The following PLEKHA8 variants were observed in gnomAD, a reference collection of about 807,000 sequenced individuals.
The protein encoded by PLEKHA8 is pleckstrin homology domain-containing family A member 8.
PLEKHA8 carries 36 observed loss-of-function variants against 68.2 expected under a neutral mutation model. That is an observed-to-expected ratio of 0.53 (90% confidence interval 0.40 to 0.70). PLEKHA8 has a LOEUF of 0.70. Among genes scored for constraint, PLEKHA8 ranks in the 30% least tolerant of loss-of-function variants. PLEKHA8 has a pLI of 0.00. For missense variants in PLEKHA8, 505 were observed against 615.4 expected (o/e 0.82, Z 1.90); for synonymous variants, 211 against 216.1 (o/e 0.98, Z 0.20).
intron 6 of PLEKHA8, 76 bp downstream of exon 6, chr7:30,050,550 A>G: frequency 1.4e-6 from 2 of 1,419,268 alleles, no homozygotes; most frequent in South Asian, 1.4e-5. Context: ...AAAAAAAGAT[A>G]CTTTGATCTT....
intron 1 of PLEKHA8, among the ~76,000 whole-genome samples, chr7:30,038,649 G>A (rs940956448): frequency 5.3e-5 from 8 of 152,090 alleles, no homozygotes; most frequent in African/African-American, 1.9e-4. Context: ...AGAATTGTTC[G>A]CCAAATAATG....
chr7:30,115,868 A>G lies in PLEKHA8; in HGVS notation c.1363-13398A>G, dbSNP rs143176609. The G allele has an allele frequency of 1.2e-3, 178 of 144,190 alleles. 8 individuals carry two copies. The highest frequency in any genetic ancestry group is 7.4e-3 in the Middle Eastern group (2 of 272). 8.9% of individuals were successfully genotyped at this position (144,190 alleles called of 1,614,324 possible). On this transcript the variant is annotated intron_variant, in intron 13 of 13. Coordinates refer to the PLEKHA8 transcript ENST00000396257. ...CACGTATGCATACATACGTGCACAT[A>G]CATGTAGGCACGCATACATGCGTAT...
Position 30,054,885 on chromosome 7 carries a change from A to G in PLEKHA8, c.953+20A>G. ...CACAAGGTATTCTAGACTCTTTAAT[A>G]TCACTGATGCTTGGATACTAACTTC... On this transcript the variant is annotated intron_variant, in intron 8 of 13. Coordinates refer to ENST00000449726, the MANE Select transcript of PLEKHA8 (RefSeq NM_001197026.2). The G allele has an allele frequency of 6.4e-7, 1 of 1,573,310 alleles. No homozygotes were observed. Among genetic ancestry groups the G allele is most frequent in the African/African-American group, 1.4e-5 (1 of 73,604 alleles).
intron 13 of PLEKHA8, among the ~76,000 whole-genome samples, chr7:30,101,357 G>A (rs561750569): frequency 7.9e-5 from 12 of 152,090 alleles, no homozygotes; most frequent in Non-Finnish European, 1.6e-4. Flanking sequence ...TATGAACAAC[G>A]GGAGTTTATT....
chr7:30,076,804 A>C lies in PLEKHA8; in HGVS notation c.1363-1786A>C, dbSNP rs942563721. 3.3e-5 allele frequency among the ~76,000 whole-genome samples: 5 copies of C among 152,314 alleles called. No homozygotes were observed. In the South Asian group the frequency reaches 6.2e-4, roughly 19 times the overall value. On this transcript the variant is annotated intron_variant, in intron 13 of 13. Coordinates refer to ENST00000449726, the MANE Select transcript of PLEKHA8 (RefSeq NM_001197026.2). ...AAGTCATGCCTACTTTGGAAGGTTT[A>C]TAAGTTTTCTAACATGCTAACTTGC...
downstream of PLEKHA8, chr7:30,129,661 G>GT (rs1440452250): frequency 8.0e-6 from 2 of 250,198 alleles, no homozygotes; most frequent in African/African-American, 4.4e-5. Context: ...TTAGAAACTT[G>GT]TTTATTCATT....
At chr7:30,077,255 C>T (rs187006069) in intron 13 of PLEKHA8, among the ~76,000 whole-genome samples, 41 of 152,116 alleles carry the variant, frequency 2.7e-4, no homozygotes, top group African/African-American at 9.6e-4. Context: ...TTGTTTTTCC[C>T]CACATTCTGA....
At position 30,101,356 on chromosome 7, in the gene PLEKHA8, C is replaced by T. The variant is rs191807762; in HGVS notation, c.1362+27224C>T. On this transcript the variant is annotated intron_variant, in intron 13 of 13. Coordinates refer to the PLEKHA8 transcript ENST00000396257. ...CATAGACCGGGTAGCTTATGAACAACGGGAGTTTATTTCTCACAGTTGTGG... is the reference window on the plus strand; with the variant it reads ...CATAGACCGGGTAGCTTATGAACAATGGGAGTTTATTTCTCACAGTTGTGG... Among the ~76,000 whole-genome samples the T allele has an allele frequency of 6.1e-4, 93 of 152,174 alleles. 1 individual carries two copies. Among genetic ancestry groups the T allele is most frequent in the Middle Eastern group, 3.4e-3 (1 of 292 alleles).
intron 6 of PLEKHA8, 104 bp from the exon 7 acceptor site, chr7:30,052,605 A>T (rs909800991): frequency 1.0e-6 from 1 of 982,296 alleles, no homozygotes; most frequent in Non-Finnish European, 1.4e-6. Flanking sequence ...GTGCCACTGT[A>T]CTGCAGCCTG....
downstream of PLEKHA8, among the ~76,000 whole-genome samples, chr7:30,093,001 C>G (rs1250347830): frequency 6.6e-6 from 1 of 152,150 alleles, no homozygotes; most frequent in Non-Finnish European, 1.5e-5. Flanking sequence ...CCAAAAGAAG[C>G]CTGATAAGTT....
chr7:30,122,137 G>C (rs949857564), intron 13 of PLEKHA8, among the ~76,000 whole-genome samples: 1 of 152,240 alleles, frequency 6.6e-6, no homozygotes, highest in African/African-American at 2.4e-5. Flanking sequence ...TTTCTTCTAA[G>C]AGGTAGAATC....
intron 13 of PLEKHA8, among the ~76,000 whole-genome samples, chr7:30,096,066 T>G (rs144052867): frequency 0.018 from 2,670 of 152,308 alleles, 39 homozygotes; most frequent in South Asian, 0.033. Context: ...GTGAAGAAAG[T>G]CATTGGTAGC....
chr7:30,112,372 G>T (rs1222988986), intron 13 of PLEKHA8, among the ~76,000 whole-genome samples: 1 of 149,872 alleles, frequency 6.7e-6, no homozygotes, highest in Non-Finnish European at 1.5e-5. Context: ...TTAACAAAAA[G>T]ATAACTCCTT....
At position 30,079,584 on chromosome 7, in the gene PLEKHA8, C is replaced by T; in HGVS notation, c.*797C>T. 1.2e-6 allele frequency: 1 copy of T among 852,696 alleles called. No individual in the cohort carries two copies. The highest frequency in any genetic ancestry group is 1.4e-6 in the Non-Finnish European group (1 of 709,208). The allele number at this position is 852,696 out of a possible 1,614,324, so 52.8% of individuals were successfully genotyped here. A position where few individuals can be genotyped will look rare whatever the true frequency, so the allele number is the denominator to read the frequency against. ...GTAATGATACCCAGAGGGATTATTA[C>T]TCCACTTCAAAAGCAAGGTTTAGAA... On this transcript the variant is annotated 3_prime_UTR_variant, in exon 14 of 14. Coordinates refer to ENST00000449726, the MANE Select transcript of PLEKHA8 (RefSeq NM_001197026.2).
chr7:30,096,467 C>T (rs1214711996), intron 13 of PLEKHA8, among the ~76,000 whole-genome samples: 1 of 152,162 alleles, frequency 6.6e-6, no homozygotes, highest in African/African-American at 2.4e-5. Flanking sequence ...ATGTCATCTG[C>T]AAACAGGGAC....
chr7:30,056,530 A>G (rs1792946396), intron 9 of PLEKHA8, among the ~76,000 whole-genome samples: 1 of 148,438 alleles, frequency 6.7e-6, no homozygotes, highest in East Asian at 2.0e-4. Context: ...GGAGTTTGAG[A>G]CCAGCCTGGC....
chr7:30,041,606 G>A (rs1163484236), intron 1 of PLEKHA8, among the ~76,000 whole-genome samples: 1 of 151,832 alleles, frequency 6.6e-6, no homozygotes, highest in African/African-American at 2.4e-5. Context: ...TGTTGACTAG[G>A]CTGGTTTTGA....
chr7:30,083,803 G>T lies in PLEKHA8; in HGVS notation c.*5016G>T, dbSNP rs941471173. Reference sequence around the variant, plus strand: ...TAAATAGTTCATATATTTAAAGTGTGGTCAGTATTTCCTCCCTGTACCTTA... The same window carrying T: ...TAAATAGTTCATATATTTAAAGTGTTGTCAGTATTTCCTCCCTGTACCTTA... On this transcript the variant is annotated 3_prime_UTR_variant, in exon 14 of 14. Coordinates refer to ENST00000449726, the MANE Select transcript of PLEKHA8 (RefSeq NM_001197026.2). 3.0e-6 allele frequency: 3 copies of T among 985,158 alleles called. No individual in the cohort carries two copies. The African/African-American group carries it at 5.2e-5, about 17-fold the overall frequency. The allele number at this position is 985,158 out of a possible 1,614,324, so 61.0% of individuals were successfully genotyped here.
intron 13 of PLEKHA8, among the ~76,000 whole-genome samples, chr7:30,124,710 TAAAAAG>T (rs921585822): frequency 5.3e-5 from 8 of 152,168 alleles, no homozygotes; most frequent in Non-Finnish European, 7.4e-5. Flanking sequence ...CTCGACTATT[TAAAAAG>T]AAAAAGTACA....
Sources: gnomAD v4.1 joint callset for allele counts (sites outside exome capture counted in the v4.1 genomes callset) on GRCh38, gnomAD v4.1.1 for gene constraint, MANE v1.5 for transcripts, NCBI Gene and HGNC (gene_info 2026-07-23, HGNC 2026-07-21) for gene names.